Variants in NUDT3 observed in about 807,000 individuals in gnomAD.
NUDT3 encodes the protein nudix hydrolase 3.
A neutral mutation model predicts 23.6 loss-of-function variants in NUDT3; 9 were observed. That is an observed-to-expected ratio of 0.38 (90% confidence interval 0.23 to 0.66). The LOEUF is 0.66. Ranked by LOEUF, NUDT3 falls within the 30% of genes least tolerant of loss-of-function variation. NUDT3 has a pLI of 0.52. For missense variants in NUDT3, 172 were observed against 218.5 expected (o/e 0.79, Z 1.34); for synonymous variants, 86 against 82.6 (o/e 1.04, Z -0.22).
intron 1 of NUDT3, among the ~76,000 whole-genome samples, chr6:34,388,781 T>C (rs1050404672): frequency 6.6e-6 from 1 of 152,208 alleles, no homozygotes; most frequent in Non-Finnish European, 1.5e-5. Context: ...TCATACATGT[T>C]TGTTGAACTG....
intron 2 of NUDT3, among the ~76,000 whole-genome samples, chr6:34,308,475 A>T (rs1225847773): frequency 2.0e-5 from 3 of 151,990 alleles, no homozygotes; most frequent in Non-Finnish European, 4.4e-5. Flanking sequence ...AAAAAAAAAA[A>T]AAATACTGAG....
At chr6:34,349,673 C>G (rs764541500) in intron 1 of NUDT3, among the ~76,000 whole-genome samples, 8 of 150,608 alleles carry the variant, frequency 5.3e-5, no homozygotes, top group Non-Finnish European at 7.4e-5. Flanking sequence ...CCCTTTCTCC[C>G]TATCCACCCA....
chr6:34,328,795 G>T (rs569197277), intron 2 of NUDT3, among the ~76,000 whole-genome samples: 26 of 152,260 alleles, frequency 1.7e-4, no homozygotes, highest in African/African-American at 6.0e-4. Context: ...ATGTTGAAAT[G>T]ATCAAAAGTA....
At chr6:34,370,926 A>G (rs1764816621) in intron 1 of NUDT3, among the ~76,000 whole-genome samples, 1 of 151,760 alleles carries the variant, frequency 6.6e-6, no homozygotes, top group South Asian at 2.1e-4. Context: ...CAACATGGTG[A>G]AACTAAATTT....
At chr6:34,375,338 T>C (rs949568513) in intron 1 of NUDT3, among the ~76,000 whole-genome samples, 3 of 151,992 alleles carry the variant, frequency 2.0e-5, no homozygotes, top group Admixed American at 2.0e-4. Flanking sequence ...AGTAAGACTC[T>C]GTATCAAAAA....
At chr6:34,362,120 C>T (rs1201905539) in intron 1 of NUDT3, among the ~76,000 whole-genome samples, 1 of 152,192 alleles carries the variant, frequency 6.6e-6, no homozygotes, top group Admixed American at 6.5e-5. Flanking sequence ...ACTTTACACT[C>T]AATTTTGCTA....
At chr6:34,383,358 A>C (rs1234634907) in intron 1 of NUDT3, among the ~76,000 whole-genome samples, 1 of 152,126 alleles carries the variant, frequency 6.6e-6, no homozygotes, top group Non-Finnish European at 1.5e-5. Flanking sequence ...ATACAAAGGA[A>C]GTCTATTTAA....
In NUDT3 at chr6:34,288,091, G is replaced by A. The variant is rs1211086730; in HGVS notation, c.*662C>T. ...ATCTACAGTCAATGACTGGGAAATA[G>A]AGAAAGGACAGGGCAACCTGCCCAG... is the stretch of plus-strand genomic sequence containing the variant. On this transcript the variant is annotated 3_prime_UTR_variant, in exon 5 of 5. Transcript: ENST00000607016. 2 of 152,206 alleles carry A rather than the reference G, an allele frequency of 1.3e-5. No individual in the cohort carries two copies. The highest frequency in any genetic ancestry group is 2.9e-5 in the Non-Finnish European group (2 of 68,038). The allele number at this position is 152,206 out of a possible 1,614,324, so 9.4% of individuals were successfully genotyped here. A position where few individuals can be genotyped will look rare whatever the true frequency, so the allele number is the denominator to read the frequency against.
chr6:34,284,058 T>A lies in NUDT3; in HGVS notation c.*4695A>T, dbSNP rs1763308393. On this transcript the variant is annotated 3_prime_UTR_variant, in exon 5 of 5. Coordinates refer to ENST00000607016, the MANE Select transcript of NUDT3 (RefSeq NM_006703.4). ...CAGCTCCATATCCTGGAAGCCTCTG[T>A]AGCCTTGAGGAGATAGGCTCTATCC... The A allele has an allele frequency of 6.6e-6, 1 of 152,188 alleles. No individual in the cohort carries two copies. Among genetic ancestry groups the A allele is most frequent in the Non-Finnish European group, 1.5e-5 (1 of 68,044 alleles). 9.4% of individuals were successfully genotyped at this position (152,188 alleles called of 1,614,324 possible).
rs1162232931 is a variant in NUDT3, at chr6:34,283,425, GA to G, written c.*5327del. The G allele has an allele frequency of 8.5e-5, 13 of 152,080 alleles. 1 individual carries two copies. Among genetic ancestry groups the G allele is most frequent in the Admixed American group, 8.5e-4 (13 of 15,258 alleles). 9.4% of individuals were successfully genotyped at this position (152,080 alleles called of 1,614,324 possible). ...TCACCATATTGGTCAGGCTGGTCTT[GA>G]ACTCCTGACCTTGTGATCCACCCGC... On this transcript the variant is annotated 3_prime_UTR_variant, in exon 5 of 5. Coordinates refer to ENST00000607016, the MANE Select transcript of NUDT3 (RefSeq NM_006703.4).
At chr6:34,332,576 G>C (rs1764144501) in intron 2 of NUDT3, among the ~76,000 whole-genome samples, 1 of 152,104 alleles carries the variant, frequency 6.6e-6, no homozygotes, top group African/African-American at 2.4e-5. Context: ...GTTGTTTAAG[G>C]GTCAACTGTA....
intron 1 of NUDT3, among the ~76,000 whole-genome samples, chr6:34,354,116 C>T (rs557703292): frequency 3.9e-5 from 6 of 151,918 alleles, no homozygotes; most frequent in Admixed American, 1.3e-4. Flanking sequence ...CAGGGTTTCA[C>T]CATGTTGGCC....
chr6:34,302,973 C>T (rs1355251098), intron 2 of NUDT3, among the ~76,000 whole-genome samples: 2 of 152,130 alleles, frequency 1.3e-5, no homozygotes, highest in Non-Finnish European at 2.9e-5. Context: ...ACAACTTTAT[C>T]TTAATACTTG....
chr6:34,392,422 C>T lies in NUDT3; in HGVS notation c.-60G>A, dbSNP rs1200055684. ...CAGGAGTCGAGGGGTGGGGAGCCCG[C>T]TCTGGACGGCCGCGTGCGCGCGCGC... On this transcript the variant is annotated 5_prime_UTR_variant, in exon 1 of 5. Coordinates refer to ENST00000607016, the MANE Select transcript of NUDT3 (RefSeq NM_006703.4). 1.7e-5 allele frequency: 23 copies of T among 1,351,660 alleles called. No homozygotes were observed. The highest frequency in any genetic ancestry group is 1.4e-4 in the Admixed American group (7 of 49,792). 83.7% of individuals were successfully genotyped at this position (1,351,660 alleles called of 1,614,324 possible).
intron 1 of NUDT3, among the ~76,000 whole-genome samples, chr6:34,389,364 T>C (rs1299017839): frequency 1.3e-5 from 2 of 152,232 alleles, no homozygotes; most frequent in South Asian, 2.1e-4. Flanking sequence ...TCTGCCATGA[T>C]TGTAAGTTTC....
chr6:34,313,121 G>A (rs1763800567), intron 2 of NUDT3, among the ~76,000 whole-genome samples: 1 of 152,132 alleles, frequency 6.6e-6, no homozygotes, highest in Non-Finnish European at 1.5e-5. Context: ...CTTGCAGTGA[G>A]CTGAGACTGC....
rs564813146 is a variant in NUDT3 at position 34,303,120 on chromosome 6, C to T, written c.211-7435G>A. Among the ~76,000 whole-genome samples the T allele has an allele frequency of 3.2e-3, 490 of 151,852 alleles. 4 individuals are homozygous for T. The highest frequency in any genetic ancestry group is 0.028 in the Middle Eastern group (8 of 288). On this transcript the variant is annotated intron_variant, in intron 2 of 4. Coordinates refer to ENST00000607016, the MANE Select transcript of NUDT3 (RefSeq NM_006703.4). ...AAACACAGCTTACTGCAGCCTTGAC[C>T]TGCTGGGCTCAAGTGATCCTCCCTC...
chr6:34,380,852 G>A (rs1765004790), intron 1 of NUDT3, among the ~76,000 whole-genome samples: 1 of 152,184 alleles, frequency 6.6e-6, no homozygotes. Context: ...ACGGCCCAGT[G>A]TCCTTCACCT....
At chr6:34,341,641 TG>T (rs1186024294) in intron 2 of NUDT3, among the ~76,000 whole-genome samples, 1 of 152,234 alleles carries the variant, frequency 6.6e-6, no homozygotes. Context: ...AACAAAAGTC[TG>T]GCATAAAAAG....
Sources: allele counts gnomAD v4.1 joint callset (sites outside exome capture counted in the v4.1 genomes callset), GRCh38; gene constraint gnomAD v4.1.1; transcripts MANE v1.5; gene names NCBI Gene and HGNC (gene_info 2026-07-23, HGNC 2026-07-21).